The following LTC4S variants were observed in gnomAD, a reference collection of about 807,000 sequenced individuals.
LTC4S encodes the protein LTC4 synthase.
LTC4S carries 18 observed loss-of-function variants against 19.6 expected under a neutral mutation model. The observed-to-expected ratio is 0.92, with a 90% CI of 0.64 to 1.36. The LOEUF is 1.36. Ranked by LOEUF, LTC4S falls within the 40% of genes most tolerant of loss-of-function variation. The probability of loss-of-function intolerance (pLI) is 0.00; values close to 1 mark genes in which losing one functional copy is unlikely to be tolerated. For synonymous variants in LTC4S, 126 were observed against 110.1 expected, an observed-to-expected ratio of 1.14 and a Z score of -0.91; for missense variants, 235 against 212.2, an observed-to-expected ratio of 1.11 and a Z score of -0.67.
Position 179,796,518 on chromosome 5 carries a change from G to C in LTC4S, c.*124G>C. The C allele has an allele frequency of 7.7e-7, 1 of 1,292,530 alleles. No individual in the cohort carries two copies. The highest frequency in any genetic ancestry group is 4.1e-5 in the Admixed American group (1 of 24,342). The allele number at this position is 1,292,530 out of a possible 1,614,324, so 80.1% of individuals were successfully genotyped here. A position where few individuals can be genotyped will look rare whatever the true frequency, so the allele number is the denominator to read the frequency against. ...TAAAGTTCTAGTGACCGAGACCCGG[G>C]CTGCGTTCTCTGGGTCCGCGGGGGT... On this transcript the variant is annotated 3_prime_UTR_variant, in exon 5 of 5. Coordinates refer to ENST00000292596, the MANE Select transcript of LTC4S (RefSeq NM_145867.2).
chr5:179,796,238 G>T lies in LTC4S; in HGVS notation c.312-15G>T. On this transcript the variant is annotated splice_polypyrimidine_tract_variant and intron_variant, in intron 4 of 4. Coordinates refer to ENST00000292596, the MANE Select transcript of LTC4S (RefSeq NM_145867.2). ...GGCCTCCTCGCGCCACCTCCCCGCT[G>T]ACCGCCGCCCGCAGGCTGGCACCGC... The T allele has an allele frequency of 6.9e-7, 1 of 1,447,952 alleles. No homozygotes were observed. Among genetic ancestry groups the T allele is most frequent in the Non-Finnish European group, 9.1e-7 (1 of 1,103,316 alleles). The allele number at this position is 1,447,952 out of a possible 1,614,324, so 89.7% of individuals were successfully genotyped here. A position where few individuals can be genotyped will look rare whatever the true frequency, so the allele number is the denominator to read the frequency against.
rs575923141 is a variant in LTC4S, at chr5:179,794,015, C to G, written c.-66C>G. On this transcript the variant is annotated 5_prime_UTR_variant, in exon 1 of 5. Coordinates refer to ENST00000292596, the MANE Select transcript of LTC4S (RefSeq NM_145867.2). ...CTCTCCTGGGCCGTCCTCTGAGCAG[C>G]AGACGGGGCTAAGCGTTCCCCAGCT... 1 of 1,611,334 alleles carries G rather than the reference C, an allele frequency of 6.2e-7. No homozygotes were observed. The highest frequency in any genetic ancestry group is 8.5e-7 in the Non-Finnish European group (1 of 1,178,966).
Position 179,795,621 on chromosome 5 carries a change from C to T in LTC4S, c.96C>T (p.Ala32=). The T allele has an allele frequency of 6.2e-7, 1 of 1,610,378 alleles. No individual in the cohort carries two copies. The part of the protein sequence containing the change: ...FSLQVISARR[A]FRVSPPLTTG... ...TGCAGGTGATCTCGGCGCGCAGGGC[C>T]TTCCGCGTGTCGCCGCCGCTCACCA... Residue 32 remains alanine, a synonymous_variant, in exon 2 of 5, where the codon GCC becomes GCT. Transcript: ENST00000292596.
At position 179,796,421 on chromosome 5, in the gene LTC4S, CG is replaced by C; in HGVS notation, c.*30del. ...ACCAAGGCCCCCGGGCCGACGGAGCCGGGAAAGAAGAGCCGGAGCCTCCAGC... is the reference window on the plus strand; with the variant it reads ...ACCAAGGCCCCCGGGCCGACGGAGCCGGAAAGAAGAGCCGGAGCCTCCAGC... On this transcript the variant is annotated 3_prime_UTR_variant, in exon 5 of 5. Transcript: ENST00000292596. 6.8e-7 allele frequency: 1 copy of C among 1,474,958 alleles called. No individual in the cohort carries two copies. The highest frequency in any genetic ancestry group is 8.9e-7 in the Non-Finnish European group (1 of 1,118,074). The allele number at this position is 1,474,958 out of a possible 1,614,324, so 91.4% of individuals were successfully genotyped here. A position where few individuals can be genotyped will look rare whatever the true frequency, so the allele number is the denominator to read the frequency against.
intron 1 of LTC4S, chr5:179,795,328 C>T (rs560905665): frequency 5.1e-6 from 7 of 1,366,444 alleles, no homozygotes; most frequent in South Asian, 1.6e-5. Flanking sequence ...CACCCTCCCC[C>T]ATACACTCAC....
At chr5:179,795,898 A>G (rs1443729710) in intron 3 of LTC4S, 42 bp downstream of exon 3, 15 of 1,592,558 alleles carry the variant, frequency 9.4e-6, no homozygotes, top group Non-Finnish European at 1.3e-5. Context: ...GACCCCCGGG[A>G]CCCGCGCAGG....
Position 179,796,565 on chromosome 5 carries a change from C to T in LTC4S, c.*171C>T. The T allele has an allele frequency of 5.6e-6, 6 of 1,063,546 alleles. No homozygotes were observed. The highest frequency in any genetic ancestry group is 7.4e-6 in the Non-Finnish European group (6 of 810,724). 65.9% of individuals were successfully genotyped at this position (1,063,546 alleles called of 1,614,324 possible). On this transcript the variant is annotated 3_prime_UTR_variant, in exon 5 of 5. Coordinates refer to ENST00000292596, the MANE Select transcript of LTC4S (RefSeq NM_145867.2). ...GGGTGGCGCACCGCGGGCTACGGAG[C>T]CTGGAGGGGCCCAGCCCGAGTCCGG... is the stretch of plus-strand genomic sequence containing the variant.
At chr5:179,796,138 G>A in intron 4 of LTC4S, 115 bp from the exon 5 acceptor site, 1 of 1,256,352 alleles carries the variant, frequency 8.0e-7, no homozygotes, top group Non-Finnish European at 1.0e-6. Context: ...AGCGCCTTTG[G>A]GGATTCGGTG....
At chr5:179,795,559 A>ACTCCCG (rs769706186) in intron 1 of LTC4S, 25 bp from the exon 2 acceptor site, 3 of 1,592,548 alleles carry the variant, frequency 1.9e-6, no homozygotes, top group South Asian at 2.3e-5. Context: ...TCCAGACCTG[A>ACTCCCG]CTCCCGCTCC....
Position 179,795,964 on chromosome 5 carries a change from G to T in LTC4S, c.253G>T (p.Val85Phe), listed in dbSNP as rs752247231. 3 of 1,550,698 alleles carry T rather than the reference G, an allele frequency of 1.9e-6. No homozygotes were observed. The highest frequency in any genetic ancestry group is 2.4e-5 in the East Asian group (1 of 42,066). The change falls in exon 4 of 5, where the codon GTC becomes TTC. Residue 85 changes from valine to phenylalanine, a missense_variant. By Grantham distance (50) the Val-to-Phe change is conservative (BLOSUM62 -1). Coordinates refer to ENST00000292596, the MANE Select transcript of LTC4S (RefSeq NM_145867.2). Reference sequence around the variant, plus strand: ...AGGGGCGGCGGCCCTGTGCGGCCTGGTCTACCTGTTCGCGCGCCTCCGCTA... The same window carrying T: ...AGGGGCGGCGGCCCTGTGCGGCCTGTTCTACCTGTTCGCGCGCCTCCGCTA... Reference protein sequence around the residue: ...HEGAAALCGLVYLFARLRYFQ... With the variant: ...HEGAAALCGLFYLFARLRYFQ...
At position 179,795,846 on chromosome 5, in the gene LTC4S, C is replaced by A. The variant is rs780911726; in HGVS notation, c.219C>A (p.Phe73Leu). 6.2e-7 allele frequency: 1 copy of A among 1,606,680 alleles called. No individual in the cohort carries two copies. The highest frequency in any genetic ancestry group is 1.1e-5 in the South Asian group (1 of 90,534). Reference protein sequence around the residue: ...FLATLWVAGIFFHEGAAALCG... With the variant: ...FLATLWVAGILFHEGAAALCG... ...CCACGCTCTGGGTCGCCGGCATCTTCTTTCATGAAGGTCGGGGTGTGGGGC... is the reference window on the plus strand; with the variant it reads ...CCACGCTCTGGGTCGCCGGCATCTTATTTCATGAAGGTCGGGGTGTGGGGC... The change falls in exon 3 of 5, where the codon TTC becomes TTA. Residue 73 changes from phenylalanine (F) to leucine (L), a missense_variant. Physicochemically the swap from Phe to Leu is conservative, Grantham distance 22. Transcript: ENST00000292596.
At chr5:179,795,524 A>G in intron 1 of LTC4S, 60 bp from the exon 2 acceptor site, 1 of 1,552,552 alleles carries the variant, frequency 6.4e-7, no homozygotes, top group Non-Finnish European at 8.7e-7. Flanking sequence ...GATCCCTCCC[A>G]CTCCCATCTC....
rs900838352 is a variant in LTC4S, at chr5:179,796,428, G to T, written c.*34G>T. On this transcript the variant is annotated 3_prime_UTR_variant, in exon 5 of 5. Coordinates refer to ENST00000292596, the MANE Select transcript of LTC4S (RefSeq NM_145867.2). The stretch of plus-strand genomic sequence containing the variant: ...CCCCCGGGCCGACGGAGCCGGGAAA[G>T]AAGAGCCGGAGCCTCCAGCTGCCCC... 2 of 1,471,530 alleles carry T rather than the reference G, an allele frequency of 1.4e-6. No homozygotes were observed. Among genetic ancestry groups the T allele is most frequent in the Admixed American group, 4.7e-5 (2 of 42,356 alleles). 91.2% of individuals were successfully genotyped at this position (1,471,530 alleles called of 1,614,324 possible).
intron 1 of LTC4S, 85 bp downstream of exon 1, chr5:179,794,223 A>T: frequency 6.5e-7 from 1 of 1,549,182 alleles, no homozygotes; most frequent in Non-Finnish European, 8.9e-7. Flanking sequence ...TGGAGGGCAG[A>T]GGTGGGGACT....
rs1756636503 is a variant in LTC4S at position 179,796,527 on chromosome 5, T to C, written c.*133T>C. The C allele has an allele frequency of 2.4e-6, 3 of 1,267,842 alleles. No homozygotes were observed. Among genetic ancestry groups the C allele is most frequent in the Non-Finnish European group, 3.0e-6 (3 of 995,358 alleles). 78.5% of individuals were successfully genotyped at this position (1,267,842 alleles called of 1,614,324 possible). ...AGTGACCGAGACCCGGGCTGCGTTCTCTGGGTCCGCGGGGGTGGCGCACCG... is the reference window on the plus strand; with the variant it reads ...AGTGACCGAGACCCGGGCTGCGTTCCCTGGGTCCGCGGGGGTGGCGCACCG... On this transcript the variant is annotated 3_prime_UTR_variant, in exon 5 of 5. Transcript: ENST00000292596.
chr5:179,795,626 G>A lies in LTC4S; in HGVS notation c.101G>A (p.Arg34His), dbSNP rs575400315. 2 of 1,609,852 alleles carry A rather than the reference G, an allele frequency of 1.2e-6. No homozygotes were observed. Among genetic ancestry groups the A allele is most frequent in the African/African-American group, 1.3e-5 (1 of 74,910 alleles). Residue 34 changes from arginine to histidine, a missense_variant, in exon 2 of 5, where the codon CGC (arginine) becomes CAC (histidine). Transcript: ENST00000292596. ...GTGATCTCGGCGCGCAGGGCCTTCC[G>A]CGTGTCGCCGCCGCTCACCACCGGC... ...LQVISARRAF[R>H]VSPPLTTGPP...
chr5:179,794,748 G>A (rs1401525976), intron 1 of LTC4S, among the ~76,000 whole-genome samples: 5 of 152,218 alleles, frequency 3.3e-5, no homozygotes, highest in Non-Finnish European at 7.3e-5. Flanking sequence ...AACCAAAGGT[G>A]CCAGGGCTGC....
At chr5:179,795,365 C>T (rs999499388) in intron 1 of LTC4S, 2 of 1,418,152 alleles carry the variant, frequency 1.4e-6, no homozygotes, top group African/African-American at 2.9e-5. Context: ...TCTCTGCGCC[C>T]CAGGCTTCAG....
Position 179,796,384 on chromosome 5 carries a change from C to A in LTC4S, c.443C>A (p.Pro148Gln). 1 of 1,498,338 alleles carries A rather than the reference C, an allele frequency of 6.7e-7. No homozygotes were observed. Among genetic ancestry groups the A allele is most frequent in the South Asian group, 1.2e-5 (1 of 80,388 alleles). 92.8% of individuals were successfully genotyped at this position (1,498,338 alleles called of 1,614,324 possible). ...CTCGGACGGCTCCGGACGCTGCTGC[C>A]GTGGGCCTGAGACCAAGGCCCCCGG... ...ALLGRLRTLL[P>Q]WA The change falls in exon 5 of 5, where the codon CCG becomes CAG. Residue 148 changes from proline (P) to glutamine (Q), a missense_variant. By Grantham distance (76) the Pro-to-Gln change is moderately conservative. Transcript: ENST00000292596.
Sources: allele counts gnomAD v4.1 joint callset (sites outside exome capture counted in the v4.1 genomes callset), GRCh38; gene constraint gnomAD v4.1.1; transcripts MANE v1.5; gene names NCBI Gene and HGNC (gene_info 2026-07-23, HGNC 2026-07-21).